Variants in DOK6 observed in about 807,000 individuals in gnomAD.
DOK6 encodes docking protein 6.
In DOK6, 22 loss-of-function variants were observed where a neutral mutation model predicts 44.0. The observed-to-expected ratio is 0.50, with a 90% confidence interval of 0.36 to 0.71. The LOEUF is 0.71. Among genes scored for constraint, DOK6 ranks in the 30% least tolerant of loss-of-function variants. The pLI is 0.00. For missense variants in DOK6, 340 were observed against 416.4 expected, an observed-to-expected ratio of 0.82 and a Z score of 1.60; for synonymous variants, 166 against 145.5, an observed-to-expected ratio of 1.14 and a Z score of -1.01.
chr18:69,613,127 TC>T (rs1425594973), intron 3 of DOK6, among the ~76,000 whole-genome samples: 4 of 152,214 alleles, frequency 2.6e-5, no homozygotes, highest in Non-Finnish European at 5.9e-5. Flanking sequence ...CGTCTCGGCC[TC>T]TCAAAGTGCT....
intron 7 of DOK6, among the ~76,000 whole-genome samples, chr18:69,759,855 TAC>T (rs1345185207): frequency 5.9e-5 from 9 of 152,226 alleles, no homozygotes; most frequent in Admixed American, 4.6e-4. Flanking sequence ...TGGTGATGAT[TAC>T]AGAGTGAAAA....
At chr18:69,401,358 G>C (rs1439299493) in intron 1 of DOK6, 48 bp downstream of exon 1, 4 of 1,430,602 alleles carry the variant, frequency 2.8e-6, no homozygotes, top group Non-Finnish European at 2.8e-6. Context: ...CGTTCGGCCC[G>C]GCTGGCTGCC....
rs548967241 is a variant in DOK6, at chr18:69,545,766, G to A, written c.67-18721G>A. ...TTAAGCATTTTTTTCTAGTATTTCA[G>A]TATACTGTAAATAGATGGCAGTATT... On this transcript the variant is annotated intron_variant, in intron 1 of 7. Coordinates refer to ENST00000382713, the MANE Select transcript of DOK6 (RefSeq NM_152721.6). Among the ~76,000 whole-genome samples the A allele has an allele frequency of 1.8e-3, 268 of 151,278 alleles. 6 individuals carry two copies. The highest frequency in any genetic ancestry group is 4.8e-3 in the African/African-American group (198 of 41,408).
At chr18:69,467,103 A>C (rs1979950399) in intron 1 of DOK6, among the ~76,000 whole-genome samples, 1 of 152,172 alleles carries the variant, frequency 6.6e-6, no homozygotes, top group African/African-American at 2.4e-5. Flanking sequence ...CTGTCTGCAT[A>C]ATATGATACA....
At chr18:69,570,105 C>A (rs1983079297) in intron 2 of DOK6, among the ~76,000 whole-genome samples, 1 of 151,820 alleles carries the variant, frequency 6.6e-6, no homozygotes, top group Admixed American at 6.6e-5. Context: ...ATGCTTAGTA[C>A]CTGAGTGATG....
intron 1 of DOK6, among the ~76,000 whole-genome samples, chr18:69,455,342 C>G (rs1280804562): frequency 6.6e-6 from 1 of 152,086 alleles, no homozygotes; most frequent in Non-Finnish European, 1.5e-5. Flanking sequence ...GGCATTCTTG[C>G]AAGGTCAAAA....
At chr18:69,664,428 T>C (rs919320567) in intron 3 of DOK6, among the ~76,000 whole-genome samples, 1 of 152,358 alleles carries the variant, frequency 6.6e-6, no homozygotes, top group Middle Eastern at 3.4e-3. Flanking sequence ...TTTATGCAAA[T>C]TATCAGAATA....
chr18:69,781,681 ATAT>A (rs1980272954), intron 7 of DOK6, among the ~76,000 whole-genome samples: 1 of 152,198 alleles, frequency 6.6e-6, no homozygotes, highest in African/African-American at 2.4e-5. Flanking sequence ...GGATTATATA[ATAT>A]TCGTTATTTT....
At chr18:69,669,672 C>G (rs990379497) in intron 3 of DOK6, among the ~76,000 whole-genome samples, 11 of 152,114 alleles carry the variant, frequency 7.2e-5, no homozygotes, top group African/African-American at 2.4e-4. Context: ...CTTCCCGCAC[C>G]CCCCCGCCGA....
chr18:69,669,477 A>G (rs150413150), intron 3 of DOK6, among the ~76,000 whole-genome samples: 127 of 152,340 alleles, frequency 8.3e-4, no homozygotes, highest in African/African-American at 3.0e-3. Context: ...TGTAAGCTAT[A>G]CAACTGGAAG....
intron 5 of DOK6, among the ~76,000 whole-genome samples, chr18:69,702,923 A>T (rs983717644): frequency 6.6e-6 from 1 of 152,242 alleles, no homozygotes; most frequent in Non-Finnish European, 1.5e-5. Context: ...AATTCACGTT[A>T]AAGTATGTGT....
chr18:69,504,039 C>T (rs563278511), intron 1 of DOK6, among the ~76,000 whole-genome samples: 78 of 151,936 alleles, frequency 5.1e-4, no homozygotes, highest in African/African-American at 1.5e-3. Flanking sequence ...TATGGATTCA[C>T]GATGGAAAAT....
intron 1 of DOK6, among the ~76,000 whole-genome samples, chr18:69,503,240 C>T (rs550419536): frequency 6.6e-6 from 1 of 152,160 alleles, no homozygotes; most frequent in Non-Finnish European, 1.5e-5. Flanking sequence ...AACCTTAAAG[C>T]AGAGATAATT....
intron 4 of DOK6, among the ~76,000 whole-genome samples, chr18:69,692,882 T>C (rs565116713): frequency 3.7e-4 from 57 of 152,226 alleles, no homozygotes; most frequent in Middle Eastern, 3.4e-3. Context: ...TTATTTATGT[T>C]AACTTAATAA....
chr18:69,811,442 G>C (rs1369499293), intron 7 of DOK6, among the ~76,000 whole-genome samples: 1 of 149,838 alleles, frequency 6.7e-6, no homozygotes, highest in Non-Finnish European at 1.5e-5. Flanking sequence ...TGCTGAGAGT[G>C]GATTTTAAGT....
chr18:69,555,551 T>C (rs947985829), intron 1 of DOK6, among the ~76,000 whole-genome samples: 2 of 152,194 alleles, frequency 1.3e-5, no homozygotes, highest in Non-Finnish European at 2.9e-5. Flanking sequence ...CAAATATCCA[T>C]ATATGTGTTT....
intron 5 of DOK6, among the ~76,000 whole-genome samples, chr18:69,703,540 C>T (rs1165150119): frequency 6.6e-6 from 1 of 152,168 alleles, no homozygotes; most frequent in Non-Finnish European, 1.5e-5. Flanking sequence ...ATTTTAAAAA[C>T]ATTAATGATG....
chr18:69,570,528 A>T (rs922519017), intron 2 of DOK6, among the ~76,000 whole-genome samples: 2 of 152,148 alleles, frequency 1.3e-5, no homozygotes, highest in African/African-American at 4.8e-5. Flanking sequence ...AATTTGAAAA[A>T]GATAATGGCT....
intron 7 of DOK6, among the ~76,000 whole-genome samples, chr18:69,806,933 G>C (rs959043931): frequency 2.0e-5 from 3 of 151,950 alleles, no homozygotes; most frequent in African/African-American, 7.2e-5. Context: ...GTCAGGAGAT[G>C]CTGATGAATA....
Sources: gnomAD v4.1 joint callset for allele counts (sites outside exome capture counted in the v4.1 genomes callset) on GRCh38, gnomAD v4.1.1 for gene constraint, MANE v1.5 for transcripts, NCBI Gene and HGNC (gene_info 2026-07-23, HGNC 2026-07-21) for gene names.